The following STK32B variants were observed in gnomAD, a reference collection of about 807,000 sequenced individuals.
STK32B encodes the protein serine/threonine-protein kinase 32B.
STK32B carries 43 observed loss-of-function variants against 52.6 expected under a neutral mutation model. The ratio of observed to expected loss-of-function variants is 0.82; its 90% CI spans 0.64 to 1.05. The LOEUF is 1.05. Ranked by LOEUF, STK32B falls within the 50% of genes least tolerant of loss-of-function variation. The pLI, the probability that STK32B is intolerant of heterozygous loss-of-function variation, is 0.00. For missense variants in STK32B, 621 were observed against 534.6 expected (o/e 1.16, Z -1.59); for synonymous variants, 238 against 204.3 (o/e 1.17, Z -1.41).
intron 2 of STK32B, among the ~76,000 whole-genome samples, chr4:5,158,999 C>A (rs1022415974): frequency 2.6e-5 from 4 of 152,188 alleles, no homozygotes; most frequent in Non-Finnish European, 5.9e-5. Context: ...TCACCTACCC[C>A]ATCACTCACC....
chr4:5,389,672 G>T (rs1373259854), intron 4 of STK32B, among the ~76,000 whole-genome samples: 1 of 152,242 alleles, frequency 6.6e-6, no homozygotes, highest in East Asian at 1.9e-4. Context: ...GAATTTGGAG[G>T]AACACGATTC....
chr4:5,020,080 C>T, the STK32B span, among the ~76,000 whole-genome samples: 1 of 152,154 alleles, frequency 6.6e-6, no homozygotes, highest in Non-Finnish European at 1.5e-5. Context: ...ACTGAGCGGC[C>T]GTATGTGTGG....
At chr4:5,384,475 C>T (rs1384372518) in intron 4 of STK32B, among the ~76,000 whole-genome samples, 2 of 151,798 alleles carry the variant, frequency 1.3e-5, no homozygotes, top group African/African-American at 4.8e-5. Flanking sequence ...AGGAGGATAT[C>T]CCAGGGTTGG....
chr4:5,050,867 T>G (rs1353548363), upstream of STK32B, among the ~76,000 whole-genome samples: 1 of 152,186 alleles, frequency 6.6e-6, no homozygotes, highest in Non-Finnish European at 1.5e-5. Flanking sequence ...CGGACGCCGA[T>G]GCCGCCCAAT....
chr4:5,098,056 G>A (rs1407778424), intron 1 of STK32B, among the ~76,000 whole-genome samples: 3 of 152,168 alleles, frequency 2.0e-5, no homozygotes, highest in African/African-American at 7.2e-5. Context: ...CCTGTGCTTG[G>A]CCATAGACAG....
chr4:5,100,189 C>T (rs367948188), intron 1 of STK32B, among the ~76,000 whole-genome samples: 1 of 152,186 alleles, frequency 6.6e-6, no homozygotes, highest in East Asian at 1.9e-4. Flanking sequence ...CCACCGTGAT[C>T]CTCCTCTCAG....
At chr4:5,370,912 A>G (rs1735181846) in intron 4 of STK32B, among the ~76,000 whole-genome samples, 1 of 151,866 alleles carries the variant, frequency 6.6e-6, no homozygotes, top group Non-Finnish European at 1.5e-5. Flanking sequence ...GGTCGAGGCT[A>G]CAGTAAGCCA....
At chr4:5,099,691 A>T (rs1378353635) in intron 1 of STK32B, among the ~76,000 whole-genome samples, 1 of 152,278 alleles carries the variant, frequency 6.6e-6, no homozygotes, top group South Asian at 2.1e-4. Flanking sequence ...AGGCAGGGGA[A>T]ATATCCCAGA....
chr4:5,485,630 G>A (rs1719108252), intron 11 of STK32B, among the ~76,000 whole-genome samples: 1 of 152,196 alleles, frequency 6.6e-6, no homozygotes, highest in African/African-American at 2.4e-5. Context: ...TTGCTGGTGA[G>A]GAGCTGCGTT....
chr4:5,406,851 G>A (rs1452350226), intron 5 of STK32B, among the ~76,000 whole-genome samples: 1 of 152,174 alleles, frequency 6.6e-6, no homozygotes, highest in Non-Finnish European at 1.5e-5. Context: ...GAATGCCTTT[G>A]AGGCATTTTC....
intron 1 of STK32B, among the ~76,000 whole-genome samples, chr4:5,131,954 G>T (rs796732969): frequency 1.5e-4 from 22 of 148,874 alleles, no homozygotes; most frequent in African/African-American, 5.2e-4. Context: ...TGAAGGATTT[G>T]AGATGGGGGA....
chr4:5,389,908 G>A (rs195135), intron 4 of STK32B, among the ~76,000 whole-genome samples: 100,899 of 152,116 alleles, frequency 0.66, 35,970 homozygotes, highest in Non-Finnish European at 0.8. Flanking sequence ...TAGTAGGGTC[G>A]GAGAAGCAGT....
chr4:5,156,866 C>T (rs1419793707), intron 2 of STK32B, among the ~76,000 whole-genome samples: 2 of 152,046 alleles, frequency 1.3e-5, no homozygotes, highest in South Asian at 2.1e-4. Flanking sequence ...TTCCAGACTC[C>T]ATACCGCCTT....
At chr4:5,328,256 A>T (rs944327048) in intron 3 of STK32B, among the ~76,000 whole-genome samples, 2 of 152,348 alleles carry the variant, frequency 1.3e-5, no homozygotes, top group East Asian at 1.9e-4. Flanking sequence ...TCATTGGAGT[A>T]GCAATTTTTA....
In STK32B at chr4:5,437,962, C is replaced by T. The variant is rs939950508; in HGVS notation, c.563-8711C>T. On this transcript the variant is annotated intron_variant, in intron 6 of 11. Coordinates refer to ENST00000282908, the MANE Select transcript of STK32B (RefSeq NM_018401.3). ...TGTGTGGGGGAGGAGGGAATGTCAC[C>T]TTCTCTAGGACTGCAGACATTTGTC... 3.0e-6 allele frequency: 3 copies of T among 985,410 alleles called. No individual in the cohort carries two copies. In the African/African-American group the frequency reaches 5.2e-5, roughly 17 times the overall value. The allele number at this position is 985,410 out of a possible 1,614,324, so 61.0% of individuals were successfully genotyped here.
chr4:5,206,620 T>C (rs1301550428), intron 3 of STK32B, among the ~76,000 whole-genome samples: 1 of 151,984 alleles, frequency 6.6e-6, no homozygotes, highest in African/African-American at 2.4e-5. Flanking sequence ...AAATGACGAA[T>C]GATGAGTCAT....
At chr4:5,379,294 T>A (rs1445252879) in intron 4 of STK32B, among the ~76,000 whole-genome samples, 1 of 152,088 alleles carries the variant, frequency 6.6e-6, no homozygotes, top group Non-Finnish European at 1.5e-5. Context: ...CAGGGCCCCC[T>A]TGTATCCAGC....
chr4:5,325,916 G>A (rs1731843534), intron 3 of STK32B, among the ~76,000 whole-genome samples: 2 of 152,202 alleles, frequency 1.3e-5, no homozygotes, highest in African/African-American at 4.8e-5. Context: ...TAAATGAAAG[G>A]TCATTCTGTG....
In STK32B at chr4:5,380,150, C is replaced by T. The variant is rs986909046; in HGVS notation, c.435-18057C>T. ...TATGTTTATTATTCTGGTGAAGCCG[C>T]TCCTAACCAGACCCATCCTGCAGCT... On this transcript the variant is annotated intron_variant, in intron 4 of 11. Coordinates refer to ENST00000282908, the MANE Select transcript of STK32B (RefSeq NM_018401.3). This position sits in a 1 kb window ranked among gnomAD's most constrained non-coding sequence, Gnocchi z 4.3. 5.9e-5 allele frequency among the ~76,000 whole-genome samples: 9 copies of T among 152,186 alleles called. No individual in the cohort carries two copies. Among genetic ancestry groups the T allele is most frequent in the Non-Finnish European group, 1.0e-4 (7 of 68,048 alleles).
Sources: gnomAD v4.1 joint callset for allele counts (sites outside exome capture counted in the v4.1 genomes callset) on GRCh38, gnomAD v4.1.1 for gene constraint, Gnocchi (gnomAD v3.1) non-coding constraint, MANE v1.5 for transcripts, NCBI Gene and HGNC (gene_info 2026-07-23, HGNC 2026-07-21) for gene names.